STK32A: variants seen among roughly 807,000 people sequenced by gnomAD.
The protein encoded by STK32A is serine/threonine-protein kinase 32A.
STK32A carries 41 observed loss-of-function variants against 53.2 expected under a neutral mutation model. The ratio of observed to expected loss-of-function variants is 0.77; its 90% CI spans 0.60 to 1.00. The LOEUF is 1.00. STK32A is among the 50% of genes least tolerant of loss of function. The pLI is 0.00. For missense variants in STK32A, 458 were observed against 485.8 expected, an observed-to-expected ratio of 0.94 and a Z score of 0.54; for synonymous variants, 166 against 162.8, an observed-to-expected ratio of 1.02 and a Z score of -0.15.
At chr5:147,261,459 G>GA (rs1241809326) in intron 2 of STK32A, among the ~76,000 whole-genome samples, 1 of 152,130 alleles carries the variant, frequency 6.6e-6, no homozygotes, top group Non-Finnish European at 1.5e-5. Context: ...TAAAGAGAAT[G>GA]ATGGGGTGAG....
At chr5:147,293,558 G>A (rs1008576782) in intron 4 of STK32A, among the ~76,000 whole-genome samples, 5 of 148,040 alleles carry the variant, frequency 3.4e-5, no homozygotes, top group African/African-American at 1.2e-4. Flanking sequence ...AATATCAAAG[G>A]TTTAAAAAAC....
intron 7 of STK32A, among the ~76,000 whole-genome samples, chr5:147,357,682 C>G (rs778429755): frequency 6.6e-6 from 1 of 151,948 alleles, no homozygotes. Context: ...GACCTTCTTA[C>G]CAGATTTTAG....
chr5:147,287,854 A>AT (rs78365779), intron 4 of STK32A, among the ~76,000 whole-genome samples: 36,491 of 149,232 alleles, frequency 0.24, 4,613 homozygotes, highest in African/African-American at 0.32. Flanking sequence ...TAACCGACTA[A>AT]TTTTTTTTTT....
At chr5:147,296,240 G>C (rs1752858999) in intron 4 of STK32A, among the ~76,000 whole-genome samples, 2 of 152,206 alleles carry the variant, frequency 1.3e-5, no homozygotes, top group Middle Eastern at 3.2e-3. Flanking sequence ...GCAATTTTTA[G>C]AGCAAAAGGG....
At chr5:147,391,819 C>A (rs2152012385), downstream of STK32A, 1 of 152,196 alleles carries the variant, frequency 6.6e-6, no homozygotes, top group Non-Finnish European at 1.5e-5. Context: ...GGGGTTGTTC[C>A]CAGAGCAAGG....
chr5:147,380,548 T>C (rs915965243), intron 11 of STK32A, among the ~76,000 whole-genome samples: 2 of 152,224 alleles, frequency 1.3e-5, no homozygotes, highest in Non-Finnish European at 2.9e-5. Context: ...AAGTATTTTG[T>C]TGCAGAATTT....
At chr5:147,276,822 T>C (rs1243725582) in intron 2 of STK32A, among the ~76,000 whole-genome samples, 1 of 152,230 alleles carries the variant, frequency 6.6e-6, no homozygotes, top group African/African-American at 2.4e-5. Context: ...TGTTTTCTTC[T>C]GATCTAGGAG....
intron 11 of STK32A, among the ~76,000 whole-genome samples, chr5:147,381,193 G>GT (rs923484135): frequency 6.6e-6 from 1 of 152,016 alleles, no homozygotes; most frequent in Non-Finnish European, 1.5e-5. Context: ...TGGTTGATAG[G>GT]TTTTTTTCTT....
chr5:147,376,101 T>C (rs1482728251), intron 11 of STK32A, among the ~76,000 whole-genome samples: 1 of 152,134 alleles, frequency 6.6e-6, no homozygotes, highest in Non-Finnish European at 1.5e-5. Context: ...TCTCAAAGAT[T>C]GTGTAGTCTT....
intron 4 of STK32A, among the ~76,000 whole-genome samples, chr5:147,303,917 A>T (rs7722963): frequency 0.032 from 4,813 of 152,288 alleles, 276 homozygotes; most frequent in African/African-American, 0.11. Context: ...TGACTGATGA[A>T]CAGGAAGCTG....
intron 4 of STK32A, among the ~76,000 whole-genome samples, chr5:147,309,010 A>G (rs764352846): frequency 1.3e-5 from 2 of 151,234 alleles, no homozygotes; most frequent in African/African-American, 2.4e-5. Context: ...ATATTCCTAC[A>G]TATATTTTAG....
intron 4 of STK32A, among the ~76,000 whole-genome samples, chr5:147,317,623 C>A (rs1355343070): frequency 1.3e-5 from 2 of 151,976 alleles, no homozygotes; most frequent in Admixed American, 6.6e-5. Context: ...CTGCACCCAG[C>A]CCACCCTTGG....
At chr5:147,255,665 C>G (rs747902182) in intron 2 of STK32A, among the ~76,000 whole-genome samples, 5 of 152,212 alleles carry the variant, frequency 3.3e-5, no homozygotes, top group African/African-American at 7.2e-5. Context: ...AACTACCCCT[C>G]TTTCTGCTAC....
At chr5:147,247,079 T>C (rs952919385) in intron 2 of STK32A, among the ~76,000 whole-genome samples, 6 of 152,376 alleles carry the variant, frequency 3.9e-5, no homozygotes, top group Middle Eastern at 3.4e-3. Context: ...TGCAACTACC[T>C]AGGTTGAAAA....
intron 4 of STK32A, among the ~76,000 whole-genome samples, chr5:147,293,504 A>AG (rs1752710127): frequency 7.3e-6 from 1 of 137,434 alleles, no homozygotes; most frequent in Non-Finnish European, 1.5e-5. Context: ...AAAAAAAAAA[A>AG]GGACTAAATT....
intron 6 of STK32A, among the ~76,000 whole-genome samples, chr5:147,349,859 C>T (rs1436917710): frequency 6.6e-6 from 1 of 152,034 alleles, no homozygotes; most frequent in East Asian, 1.9e-4. Context: ...CGCCTGTAAT[C>T]CCAACACTTT....
intron 2 of STK32A, among the ~76,000 whole-genome samples, chr5:147,256,666 C>T (rs11952197): frequency 0.31 from 46,548 of 151,906 alleles, 7,378 homozygotes; most frequent in African/African-American, 0.38. Flanking sequence ...CATGCACCAC[C>T]ATGCCTGGCT....
At chr5:147,367,240 AT>A (rs1221244131) in intron 8 of STK32A, among the ~76,000 whole-genome samples, 3 of 151,584 alleles carry the variant, frequency 2.0e-5, no homozygotes, top group Non-Finnish European at 4.4e-5. Context: ...AATTTTTTGT[AT>A]TTTTTGTAGA....
chr5:147,239,812 A>G, intron 2 of STK32A, 126 bp downstream of exon 2: 2 of 708,610 alleles, frequency 2.8e-6, no homozygotes, highest in East Asian at 2.8e-5. Flanking sequence ...GCAAAGCTGC[A>G]TGAGTGAGTC....
Sources: gnomAD v4.1 joint callset for allele counts (sites outside exome capture counted in the v4.1 genomes callset) on GRCh38, gnomAD v4.1.1 for gene constraint, MANE v1.5 for transcripts, NCBI Gene and HGNC (gene_info 2026-07-23, HGNC 2026-07-21) for gene names.